NCALD: variants seen among roughly 807,000 people sequenced by gnomAD.
The protein encoded by NCALD is neurocalcin delta.
In NCALD, 10 loss-of-function variants were observed where a neutral mutation model predicts 18.6. The observed-to-expected ratio is 0.54, with a 90% CI of 0.33 to 0.91. NCALD has a LOEUF of 0.91. Among genes scored for constraint, NCALD ranks in the 40% least tolerant of loss-of-function variants. The pLI is 0.03. For missense variants in NCALD, 184 were observed against 247.6 expected (o/e 0.74, Z 1.72); for synonymous variants, 88 against 87.4 (o/e 1.01, Z -0.04).
chr8:101,688,831 C>T lies in NCALD; in HGVS notation c.*478G>A. ...GTCCCAGCTCGCTGGAATAGCCTCA[C>T]CCCAGAGGGTAACTTGTTCTTGGGG... is the stretch of plus-strand genomic sequence containing the variant. On this transcript the variant is annotated 3_prime_UTR_variant, in exon 4 of 4. Coordinates refer to ENST00000220931, the MANE Select transcript of NCALD (RefSeq NM_032041.3). The T allele has an allele frequency of 4.8e-6, 3 of 628,868 alleles. No homozygotes were observed. Among genetic ancestry groups the T allele is most frequent in the South Asian group, 1.6e-5 (1 of 61,024 alleles). The allele number at this position is 628,868 out of a possible 1,614,324, so 39.0% of individuals were successfully genotyped here. A position where few individuals can be genotyped will look rare whatever the true frequency, so the allele number is the denominator to read the frequency against.
At chr8:101,723,071 G>A (rs574475865) in intron 1 of NCALD, among the ~76,000 whole-genome samples, 2 of 152,170 alleles carry the variant, frequency 1.3e-5, no homozygotes, top group Admixed American at 6.5e-5. Flanking sequence ...ATTTCTGCCC[G>A]TTTGAGTCGA....
chr8:101,876,716 A>G (rs1816242734), intron 4 of NCALD, among the ~76,000 whole-genome samples: 1 of 152,266 alleles, frequency 6.6e-6, no homozygotes, highest in South Asian at 2.1e-4. Flanking sequence ...TCACCAGGAC[A>G]TTTACAAGAC....
Position 101,753,735 on chromosome 8 carries a change from A to C in NCALD, c.-19-34087T>G, listed in dbSNP as rs780087760. Among the ~76,000 whole-genome samples the C allele has an allele frequency of 2.0e-5, 3 of 152,232 alleles. No individual in the cohort carries two copies. The East Asian group carries it at 5.8e-4, about 29-fold the overall frequency. The stretch of plus-strand genomic sequence containing the variant: ...TCTGCGTCTAGTGCGTGGTGTGGTG[A>C]GGATGAAATGCCTGGAACTGATGCA... On this transcript the variant is annotated intron_variant, in intron 1 of 3. Transcript: ENST00000220931.
intron 2 of NCALD, among the ~76,000 whole-genome samples, chr8:101,935,099 T>C (rs2131724315): frequency 6.6e-6 from 1 of 151,908 alleles, no homozygotes; most frequent in Middle Eastern, 3.4e-3. Flanking sequence ...GTGGGAATAG[T>C]CAGAAAAATT....
At chr8:101,845,614 T>G (rs1814835866) in intron 4 of NCALD, among the ~76,000 whole-genome samples, 1 of 152,244 alleles carries the variant, frequency 6.6e-6, no homozygotes, top group African/African-American at 2.4e-5. Context: ...CAACGTGTCA[T>G]GGTAAAAGCT....
intron 1 of NCALD, among the ~76,000 whole-genome samples, chr8:102,105,881 G>T (rs541029475): frequency 6.6e-6 from 1 of 152,070 alleles, no homozygotes; most frequent in African/African-American, 2.4e-5. Flanking sequence ...AGTAAAATGG[G>T]AATAATAACA....
At chr8:101,878,097 G>C (rs1347333768) in intron 4 of NCALD, among the ~76,000 whole-genome samples, 1 of 152,170 alleles carries the variant, frequency 6.6e-6, no homozygotes, top group Non-Finnish European at 1.5e-5. Context: ...AAGTGGCCAA[G>C]GGTGGGAAAA....
At chr8:101,923,185 G>C (rs1818224358) in intron 2 of NCALD, among the ~76,000 whole-genome samples, 1 of 152,198 alleles carries the variant, frequency 6.6e-6, no homozygotes, top group Non-Finnish European at 1.5e-5. Context: ...GCCCTCACCA[G>C]ACACATTTGC....
intron 1 of NCALD, among the ~76,000 whole-genome samples, chr8:102,080,965 GT>G (rs1211376299): frequency 6.6e-6 from 1 of 152,140 alleles, no homozygotes; most frequent in African/African-American, 2.4e-5. Flanking sequence ...GTTGGTTGGG[GT>G]TTTTTCCCCC....
chr8:101,751,565 G>A (rs561358437), intron 1 of NCALD, among the ~76,000 whole-genome samples: 10 of 152,042 alleles, frequency 6.6e-5, no homozygotes, highest in East Asian at 1.9e-4. Context: ...GAAATGAATC[G>A]CCCAGCTGTC....
At chr8:102,010,342 G>GT (rs1445484195) in intron 2 of NCALD, among the ~76,000 whole-genome samples, 1 of 152,140 alleles carries the variant, frequency 6.6e-6, no homozygotes, top group East Asian at 1.9e-4. Flanking sequence ...ACCCCAAATA[G>GT]TTGCTACCCC....
At chr8:102,037,434 A>G (rs1215677984) in intron 1 of NCALD, among the ~76,000 whole-genome samples, 1 of 148,934 alleles carries the variant, frequency 6.7e-6, no homozygotes, top group Non-Finnish European at 1.5e-5. Context: ...ATATACCTGT[A>G]AAATGTTTTT....
At chr8:102,065,125 G>GA (rs1304621936) in intron 1 of NCALD, among the ~76,000 whole-genome samples, 1 of 151,918 alleles carries the variant, frequency 6.6e-6, no homozygotes, top group Non-Finnish European at 1.5e-5. Context: ...CAGGAGTGGA[G>GA]AAAGAAGAAA....
rs116241043 is a variant in NCALD, at chr8:102,028,460, G to C, written c.-209-8171C>G. Among the ~76,000 whole-genome samples the C allele has an allele frequency of 2.4e-3, 371 of 152,302 alleles. 2 individuals carry two copies. The highest frequency in any genetic ancestry group is 8.5e-3 in the African/African-American group (355 of 41,556). On this transcript the variant is annotated intron_variant, in intron 1 of 6. Coordinates refer to the NCALD transcript ENST00000311028. ...AGTATACTCCTTTGAAGCTCTAAAT[G>C]CACTAGCCACTGAGGGGGAAACAAT... is the stretch of plus-strand genomic sequence containing the variant.
chr8:101,944,469 G>A (rs1819090808), intron 2 of NCALD, among the ~76,000 whole-genome samples: 1 of 152,234 alleles, frequency 6.6e-6, no homozygotes. Flanking sequence ...ACTGGAGTAT[G>A]TGTGAGCAGC....
At chr8:101,881,211 G>C (rs2131460256) in intron 4 of NCALD, among the ~76,000 whole-genome samples, 1 of 152,004 alleles carries the variant, frequency 6.6e-6, no homozygotes, top group East Asian at 1.9e-4. Context: ...CTCTTTAATG[G>C]TGTCATATAT....
At chr8:101,770,785 T>A (rs1811555109) in intron 1 of NCALD, among the ~76,000 whole-genome samples, 1 of 152,246 alleles carries the variant, frequency 6.6e-6, no homozygotes, top group African/African-American at 2.4e-5. Context: ...AGTGATTTTT[T>A]AAATTTAAAA....
chr8:101,862,883 T>C (rs1277434437), intron 4 of NCALD, among the ~76,000 whole-genome samples: 1 of 152,222 alleles, frequency 6.6e-6, no homozygotes, highest in Non-Finnish European at 1.5e-5. Context: ...GTTAAGCACT[T>C]ACTGTCTTCC....
chr8:102,121,708 C>T (rs1034962304), intron 1 of NCALD, among the ~76,000 whole-genome samples: 2 of 152,168 alleles, frequency 1.3e-5, no homozygotes, highest in Non-Finnish European at 2.9e-5. Flanking sequence ...GGGTTCAGAT[C>T]GTTACATTTC....
Sources: allele counts gnomAD v4.1 joint callset (sites outside exome capture counted in the v4.1 genomes callset), GRCh38; gene constraint gnomAD v4.1.1; transcripts MANE v1.5; gene names NCBI Gene and HGNC (gene_info 2026-07-23, HGNC 2026-07-21).